LMBRD1: variants seen among roughly 807,000 people sequenced by gnomAD.
The protein encoded by LMBRD1 is lysosomal cobalamin transport escort protein LMBD1.
Under a neutral mutation model 74.8 loss-of-function variants are expected in LMBRD1, and 64 were observed. That is an observed-to-expected ratio of 0.86 (90% CI 0.70 to 1.05). The LOEUF is 1.05. Among genes scored for constraint, LMBRD1 ranks in the 50% least tolerant of loss-of-function variants. The pLI, the probability that LMBRD1 is intolerant of heterozygous loss-of-function variation, is 0.00. For missense variants in LMBRD1, 652 were observed against 645.9 expected (o/e 1.01, Z -0.10); for synonymous variants, 204 against 216.3 (o/e 0.94, Z 0.50).
intron 14 of LMBRD1, among the ~76,000 whole-genome samples, chr6:69,679,363 G>A (rs1020175028): frequency 2.6e-5 from 4 of 152,048 alleles, no homozygotes; most frequent in African/African-American, 9.7e-5. Flanking sequence ...TAGAAAATTT[G>A]TCATTTACTT....
At chr6:69,731,257 G>A (rs1766851115) in intron 7 of LMBRD1, among the ~76,000 whole-genome samples, 1 of 151,956 alleles carries the variant, frequency 6.6e-6, no homozygotes, top group South Asian at 2.1e-4. Flanking sequence ...AGATCAGTAG[G>A]GTGACTACAG....
chr6:69,721,276 C>A lies in LMBRD1; in HGVS notation c.637-2195G>T, dbSNP rs141988073. Among the ~76,000 whole-genome samples the A allele has an allele frequency of 1.8e-4, 27 of 152,298 alleles. 1 individual carries two copies. The East Asian group carries it at 5.2e-3, about 29-fold the overall frequency. On this transcript the variant is annotated intron_variant, in intron 7 of 15. Coordinates refer to ENST00000649934, the MANE Select transcript of LMBRD1 (RefSeq NM_018368.4). ...ACAACAGCTAAGGGAGTGCTTGCAC[C>A]ATTCCTCTCCCAACCCCATGAAGTG...
intron 12 of LMBRD1, among the ~76,000 whole-genome samples, chr6:69,700,537 T>C (rs1766103934): frequency 6.6e-6 from 1 of 151,730 alleles, no homozygotes; most frequent in Admixed American, 6.6e-5. Flanking sequence ...CAACTAAAAA[T>C]ATCTCTAGAT....
At chr6:69,720,456 T>C (rs1455749033) in intron 7 of LMBRD1, among the ~76,000 whole-genome samples, 1 of 152,204 alleles carries the variant, frequency 6.6e-6, no homozygotes, top group Non-Finnish European at 1.5e-5. Flanking sequence ...TAGATGAAAA[T>C]GTAATTTGGA....
At chr6:69,750,774 T>G (rs1217501814) in intron 4 of LMBRD1, among the ~76,000 whole-genome samples, 2 of 152,110 alleles carry the variant, frequency 1.3e-5, no homozygotes, top group African/African-American at 4.8e-5. Flanking sequence ...TTTCCAAATA[T>G]AGAGTAAAAT....
chr6:69,741,988 C>CAGATT, intron 5 of LMBRD1, 111 bp from the exon 6 acceptor site: 1 of 693,014 alleles, frequency 1.4e-6, no homozygotes, highest in Non-Finnish European at 2.5e-6. Flanking sequence ...AAAATCTGTA[C>CAGATT]TATGCACAGA....
At position 69,713,720 on chromosome 6, in the gene LMBRD1, C is replaced by G. The variant is rs1428586023; in HGVS notation, c.840G>C (p.Lys280Asn). The G allele has an allele frequency of 1.2e-6, 2 of 1,613,658 alleles. No homozygotes were observed. The highest frequency in any genetic ancestry group is 2.2e-5 in the East Asian group (1 of 44,878). ...TGAATTCTAAATGCCTCTCTCTCTT[C>G]TTAAGTGTTCGTAACCTTTCTTCAA... Reference protein sequence around the residue: ...KQFEERLRTLKKRERHLEFIE... With the variant: ...KQFEERLRTLNKRERHLEFIE... Residue 280 changes from lysine to asparagine, a missense_variant, in exon 9 of 16, where the codon AAG becomes AAC. Coordinates refer to ENST00000649934, the MANE Select transcript of LMBRD1 (RefSeq NM_018368.4).
intron 3 of LMBRD1, among the ~76,000 whole-genome samples, chr6:69,752,910 A>AT (rs1562112980): frequency 6.6e-6 from 1 of 152,242 alleles, no homozygotes; most frequent in Non-Finnish European, 1.5e-5. Flanking sequence ...GAATAGTAGA[A>AT]CAGTAAAATT....
rs2149877968 is a variant in LMBRD1, at chr6:69,752,307, G to A, written c.357C>T (p.Val119=). Residue 119 remains valine, a synonymous_variant, in exon 4 of 16, where the codon GTC becomes GTT. Coordinates refer to ENST00000649934, the MANE Select transcript of LMBRD1 (RefSeq NM_018368.4). The stretch of plus-strand genomic sequence containing the variant: ...CATCCTTTTCTTCATAATAGAAGTA[G>A]ACAAAAGGGATCCAGAAGAACACAC... ...LFCVFFWIPF[V]YFYYEEKDDD... The A allele has an allele frequency of 1.9e-6, 3 of 1,610,296 alleles. No homozygotes were observed. Among genetic ancestry groups the A allele is most frequent in the Admixed American group, 3.3e-5 (2 of 59,944 alleles).
At chr6:69,781,231 C>A (rs941303049) in intron 2 of LMBRD1, among the ~76,000 whole-genome samples, 1 of 152,110 alleles carries the variant, frequency 6.6e-6, no homozygotes, top group African/African-American at 2.4e-5. Context: ...AAATATAATT[C>A]AAATTAATCT....
chr6:69,746,190 G>T (rs573107354), intron 5 of LMBRD1: 1 of 153,796 alleles, frequency 6.5e-6, no homozygotes, highest in East Asian at 1.9e-4. Flanking sequence ...CATGAAGAAG[G>T]CTGAGGTTCA....
chr6:69,796,976 C>T lies in LMBRD1; in HGVS notation c.-95G>A. The T allele has an allele frequency of 9.1e-7, 1 of 1,104,500 alleles. No individual in the cohort carries two copies. The allele number at this position is 1,104,500 out of a possible 1,614,324, so 68.4% of individuals were successfully genotyped here. Reference sequence around the variant, plus strand: ...GCGAGATATACTGCACCCGCGCACCCTAAAGGTTAAAGGGGCGGAGGGGGA... The same window carrying T: ...GCGAGATATACTGCACCCGCGCACCTTAAAGGTTAAAGGGGCGGAGGGGGA... On this transcript the variant is annotated 5_prime_UTR_variant, in exon 1 of 16. Transcript: ENST00000649934.
intron 5 of LMBRD1, among the ~76,000 whole-genome samples, chr6:69,745,300 G>A (rs891656432): frequency 4.2e-5 from 6 of 143,526 alleles, no homozygotes; most frequent in Non-Finnish European, 7.5e-5. Context: ...CGCCCAGGTC[G>A]GACTGCGGAC....
intron 14 of LMBRD1, among the ~76,000 whole-genome samples, chr6:69,686,310 T>C (rs1343240624): frequency 6.6e-6 from 1 of 151,532 alleles, no homozygotes; most frequent in East Asian, 1.9e-4. Context: ...TCCTTGACCT[T>C]GAGGTAACAC....
rs779880758 is a variant in LMBRD1 at position 69,674,229 on chromosome 6, C to T, written c.*1929G>A. On this transcript the variant is annotated 3_prime_UTR_variant, in exon 16 of 16. Transcript: ENST00000649934. Reference sequence around the variant, plus strand: ...CCAGTCATATTGGATTTGGGCTTCACGCAATAGCCTCATTTTACTTTAATT... The same window carrying T: ...CCAGTCATATTGGATTTGGGCTTCATGCAATAGCCTCATTTTACTTTAATT... Among the ~76,000 whole-genome samples the T allele has an allele frequency of 6.6e-6, 1 of 152,262 alleles. No homozygotes were observed. The highest frequency in any genetic ancestry group is 2.4e-5 in the African/African-American group (1 of 41,562).
At chr6:69,698,973 T>C (rs1766066554) in intron 13 of LMBRD1, 70 bp downstream of exon 13, 4 of 1,075,236 alleles carry the variant, frequency 3.7e-6, no homozygotes, top group Non-Finnish European at 5.6e-6. Flanking sequence ...ACCATCACAA[T>C]TAAAATTTCA....
chr6:69,730,251 A>G (rs936223005), intron 7 of LMBRD1, among the ~76,000 whole-genome samples: 16 of 152,102 alleles, frequency 1.1e-4, no homozygotes, highest in Admixed American at 2.6e-4. Flanking sequence ...TTTTCTTTAC[A>G]TATCTCTCTC....
intron 3 of LMBRD1, among the ~76,000 whole-genome samples, chr6:69,753,511 G>A (rs539673383): frequency 2.8e-4 from 43 of 152,322 alleles, no homozygotes; most frequent in Middle Eastern, 3.4e-3. Flanking sequence ...TATAGCAGCT[G>A]TGGAAAACAG....
At chr6:69,756,433 A>G (rs911536002) in intron 3 of LMBRD1, among the ~76,000 whole-genome samples, 1 of 152,176 alleles carries the variant, frequency 6.6e-6, no homozygotes, top group Non-Finnish European at 1.5e-5. Context: ...GCTCAACACC[A>G]TAAGTCATCA....
Sources: gnomAD v4.1 joint callset for allele counts (sites outside exome capture counted in the v4.1 genomes callset) on GRCh38, gnomAD v4.1.1 for gene constraint, MANE v1.5 for transcripts, NCBI Gene and HGNC (gene_info 2026-07-23, HGNC 2026-07-21) for gene names.